Variants in LARP1B observed in about 807,000 individuals in gnomAD.
LARP1B encodes the protein La ribonucleoprotein 1B.
In LARP1B, 76 loss-of-function variants were observed where a neutral mutation model predicts 114.2. That is an observed-to-expected ratio of 0.67 (90% CI 0.55 to 0.81). LARP1B has a LOEUF of 0.81. Ranked by LOEUF, LARP1B falls within the 30% of genes least tolerant of loss-of-function variation. The pLI is 0.00. For synonymous variants in LARP1B, 345 were observed against 348.0 expected (o/e 0.99, Z 0.10); for missense variants, 1,014 against 1,075.8 (o/e 0.94, Z 0.80).
At chr4:128,151,010 A>G (rs1732547986) in intron 11 of LARP1B, among the ~76,000 whole-genome samples, 1 of 152,236 alleles carries the variant, frequency 6.6e-6, no homozygotes, top group Non-Finnish European at 1.5e-5. Flanking sequence ...TGTATCAGTA[A>G]TATGCATCTA....
At chr4:128,124,963 A>G (rs1217084338) in intron 11 of LARP1B, among the ~76,000 whole-genome samples, 1 of 152,158 alleles carries the variant, frequency 6.6e-6, no homozygotes, top group Non-Finnish European at 1.5e-5. Flanking sequence ...GACCTCTGCA[A>G]AAAGAGTTTT....
rs779590043 is a variant in LARP1B at position 128,082,343 on chromosome 4, G to A, written c.358+38G>A. The stretch of plus-strand genomic sequence containing the variant: ...TCTAAGACAAAAATGACTAAGGAAA[G>A]ACTTAGTCTTAATGCTCGTTATTTT... On this transcript the variant is annotated intron_variant, in intron 5 of 19. Transcript: ENST00000326639. The A allele has an allele frequency of 6.4e-6, 10 of 1,570,330 alleles. No individual in the cohort carries two copies. In the South Asian group the frequency reaches 8.9e-5, roughly 14 times the overall value.
intron 8 of LARP1B, among the ~76,000 whole-genome samples, chr4:128,100,004 G>C (rs1416916381): frequency 1.3e-5 from 2 of 151,974 alleles, no homozygotes; most frequent in East Asian, 3.9e-4. Context: ...GCCCAGGCTG[G>C]AGTGGAGTGC....
At chr4:128,072,700 G>A (rs759988933) in intron 1 of LARP1B, among the ~76,000 whole-genome samples, 7 of 152,060 alleles carry the variant, frequency 4.6e-5, no homozygotes, top group East Asian at 1.9e-4. Flanking sequence ...GGGATTACAG[G>A]CATGCGCCAC....
intron 2 of LARP1B, 77 bp downstream of exon 2, chr4:128,074,595 AGT>A: frequency 3.2e-6 from 1 of 309,554 alleles, no homozygotes; most frequent in Non-Finnish European, 4.9e-6. Context: ...GGTTATTATA[AGT>A]GTATTTTTCT....
At chr4:128,206,246 C>T (rs1809797) in intron 17 of LARP1B, among the ~76,000 whole-genome samples, 182 bp from the exon 18 acceptor site, 93,363 of 151,976 alleles carry the variant, frequency 0.61, 30,493 homozygotes, top group Middle Eastern at 0.82. Context: ...GAGCCGAGGT[C>T]GCACCATTGC....
At chr4:128,075,033 AAATG>A in intron 3 of LARP1B, 40 bp downstream of exon 3, 1 of 1,271,420 alleles carries the variant, frequency 7.9e-7, no homozygotes, top group Non-Finnish European at 1.1e-6. Context: ...AAAGAAAGGA[AAATG>A]TATTCATTTC....
At chr4:128,077,483 A>C (rs566948389) in intron 3 of LARP1B, among the ~76,000 whole-genome samples, 37 of 152,144 alleles carry the variant, frequency 2.4e-4, no homozygotes, top group African/African-American at 8.7e-4. Flanking sequence ...CCTGGGCAAC[A>C]AAGTGAGACT....
chr4:128,195,342 C>T (rs1404584497), intron 15 of LARP1B, among the ~76,000 whole-genome samples: 1 of 152,176 alleles, frequency 6.6e-6, no homozygotes, highest in Non-Finnish European at 1.5e-5. Context: ...TTCTTTATCT[C>T]TCATTGTTCC....
chr4:128,085,631 G>A (rs1474296965), intron 5 of LARP1B, among the ~76,000 whole-genome samples: 2 of 152,162 alleles, frequency 1.3e-5, no homozygotes, highest in African/African-American at 4.8e-5. Context: ...GCCTCCCGAA[G>A]TGTTGGGATT....
chr4:128,176,761 G>A, intron 12 of LARP1B, 111 bp from the exon 13 acceptor site: 2 of 935,436 alleles, frequency 2.1e-6, no homozygotes, highest in Admixed American at 4.2e-5. Flanking sequence ...ACTTACTCTT[G>A]GCATCTATGG....
At chr4:128,135,835 G>A (rs1232214426) in intron 11 of LARP1B, among the ~76,000 whole-genome samples, 1 of 152,078 alleles carries the variant, frequency 6.6e-6, no homozygotes, top group African/African-American at 2.4e-5. Flanking sequence ...TGAAAGTTTT[G>A]GAGATCTATT....
intron 9 of LARP1B, 171 bp downstream of exon 9, chr4:128,107,484 AT>A: frequency 2.1e-6 from 3 of 1,433,098 alleles, no homozygotes; most frequent in Non-Finnish European, 2.8e-6. Context: ...AGAGTTACAA[AT>A]TAAATAAGGA....
At chr4:128,062,073 G>T in intron 1 of LARP1B, 1 of 985,388 alleles carries the variant, frequency 1.0e-6, no homozygotes, top group Non-Finnish European at 1.2e-6. Flanking sequence ...GAGGACGCCC[G>T]GGAAGAGGTG....
chr4:128,080,655 G>A (rs1206729139), intron 4 of LARP1B, among the ~76,000 whole-genome samples: 1 of 152,118 alleles, frequency 6.6e-6, no homozygotes, highest in East Asian at 1.9e-4. Flanking sequence ...TTTGAAACCT[G>A]AGCTATGGCA....
rs1404637940 is a variant in LARP1B at position 128,123,711 on chromosome 4, A to G, written c.1524+1523A>G. On this transcript the variant is annotated intron_variant, in intron 11 of 19. Coordinates refer to ENST00000326639, the MANE Select transcript of LARP1B (RefSeq NM_018078.4). ...ATGGAGTAAACATTATGCATTAACC[A>G]AAGGAACCCAACCATTGTGTATAAT... The G allele has an allele frequency of 8.2e-6, 8 of 970,886 alleles. No homozygotes were observed. In the African/African-American group the frequency reaches 1.1e-4, roughly 13 times the overall value. The allele number at this position is 970,886 out of a possible 1,614,324, so 60.1% of individuals were successfully genotyped here.
intron 8 of LARP1B, among the ~76,000 whole-genome samples, chr4:128,102,535 CAA>C (rs1247774561): frequency 6.6e-6 from 1 of 152,202 alleles, no homozygotes; most frequent in East Asian, 1.9e-4. Context: ...GAAAAACTCT[CAA>C]GAGAAGCAAA....
chr4:128,160,281 A>C (rs1324129746), intron 11 of LARP1B, among the ~76,000 whole-genome samples: 1 of 152,242 alleles, frequency 6.6e-6, no homozygotes, highest in Non-Finnish European at 1.5e-5. Context: ...TCTCATAAAC[A>C]TAATTTTGCA....
At chr4:128,190,056 A>T (rs999072732) in intron 15 of LARP1B, among the ~76,000 whole-genome samples, 5 of 152,188 alleles carry the variant, frequency 3.3e-5, no homozygotes, top group African/African-American at 1.2e-4. Flanking sequence ...TGCACATCAA[A>T]GTTTGTTTTC....
Sources: allele counts gnomAD v4.1 joint callset (sites outside exome capture counted in the v4.1 genomes callset), GRCh38; gene constraint gnomAD v4.1.1; transcripts MANE v1.5; gene names NCBI Gene and HGNC (gene_info 2026-07-23, HGNC 2026-07-21).